F11: variants seen among roughly 807,000 people sequenced by gnomAD.
The protein encoded by F11 is coagulation factor XI, also known as coagualtion factor XI.
In F11, 78 loss-of-function variants were observed where a neutral mutation model predicts 76.5. The ratio of observed to expected loss-of-function variants is 1.02; its 90% CI spans 0.85 to 1.23. The LOEUF (loss-of-function observed/expected upper bound fraction) is 1.23, where lower values mean the gene tolerates loss of function less well. Ranked by LOEUF, F11 falls within the 50% of genes most tolerant of loss-of-function variation. F11 has a pLI of 0.00. For missense variants in F11, 742 were observed against 771.4 expected (o/e 0.96, Z 0.45); for synonymous variants, 278 against 276.3 (o/e 1.01, Z -0.06).
In F11 at chr4:186,280,474, G is replaced by A. The variant is rs1438521271; in HGVS notation, c.1029G>A (p.Lys343=). Residue 343 remains lysine (K), a splice_region_variant and synonymous_variant, in exon 10 of 15, where the codon AAG becomes AAA. Transcript: ENST00000403665. Reference sequence around the variant, plus strand: ...TATACCGTTTTGTTTCCAACTGCAGGGGCAAGTGTTACTTAAAGCTTTCTT... The same window carrying A: ...TATACCGTTTTGTTTCCAACTGCAGAGGCAAGTGTTACTTAAAGCTTTCTT... The part of the protein sequence containing the change: ...TPAQASCNEG[K]GKCYLKLSSN... 2 of 1,614,004 alleles carry A rather than the reference G, an allele frequency of 1.2e-6. No homozygotes were observed. The highest frequency in any genetic ancestry group is 1.1e-5 in the South Asian group (1 of 91,082).
intron 6 of F11, 133 bp from the exon 7 acceptor site, chr4:186,276,098 T>C: frequency 1.8e-6 from 2 of 1,127,706 alleles, no homozygotes; most frequent in Non-Finnish European, 2.6e-6. Context: ...TGCCATTTTC[T>C]TCTAAATAAA....
rs766461389 is a variant in F11, at chr4:186,287,832, G to C, written c.1716+9G>C. ...GGAAGGACGCTTGCAAGGTAACAGA[G>C]TGTTCTTAGCCAATGGAATATATGC... On this transcript the variant is annotated intron_variant, in intron 14 of 14. Coordinates refer to ENST00000403665, the MANE Select transcript of F11 (RefSeq NM_000128.4). The C allele has an allele frequency of 2.5e-6, 4 of 1,611,190 alleles. No individual in the cohort carries two copies. The highest frequency in any genetic ancestry group is 3.4e-6 in the Non-Finnish European group (4 of 1,178,216).
intron 5 of F11, 76 bp downstream of exon 5, chr4:186,274,351 C>G: frequency 6.3e-7 from 1 of 1,579,702 alleles, no homozygotes; most frequent in Non-Finnish European, 8.7e-7. Flanking sequence ...TTGCCATCAA[C>G]TTTATGCCAG....
rs866457660 is a variant in F11, at chr4:186,284,217, A to G, written c.1261A>G (p.Ile421Val). Residue 421 changes from isoleucine to valine, a missense_variant, in exon 11 of 15, where the codon ATT becomes GTT. By Grantham distance (29) the Ile-to-Val change is conservative. Transcript: ENST00000403665. ...TQRHLCGGSI[I>V]GNQWILTAAH... ...GAGACACCTGTGTGGAGGCTCCATC[A>G]TTGGAAACCAGTGGATATTAACAGC... 6.2e-7 allele frequency: 1 copy of G among 1,614,242 alleles called. No homozygotes were observed. Among genetic ancestry groups the G allele is most frequent in the Middle Eastern group, 1.6e-4 (1 of 6,062 alleles).
chr4:186,275,735 T>C, intron 5 of F11, 52 bp from the exon 6 acceptor site: 1 of 1,342,152 alleles, frequency 7.5e-7, no homozygotes. Context: ...TCATGTTTTT[T>C]CCTCCTTGCA....
At chr4:186,279,008 C>T (rs1334335792) in intron 7 of F11, among the ~76,000 whole-genome samples, 2 of 152,186 alleles carry the variant, frequency 1.3e-5, no homozygotes, top group African/African-American at 4.8e-5. Flanking sequence ...AGGAATAACA[C>T]ATTTGATCTT....
At chr4:186,286,663 A>G (rs1019117494) in intron 13 of F11, 153 bp downstream of exon 13, 1 of 985,360 alleles carries the variant, frequency 1.0e-6, no homozygotes, top group Non-Finnish European at 1.2e-6. Flanking sequence ...AAATCACCCA[A>G]GTGAGGCTGG....
At chr4:186,285,883 T>A in intron 12 of F11, 70 bp downstream of exon 12, 4 of 1,524,210 alleles carry the variant, frequency 2.6e-6, no homozygotes, top group Non-Finnish European at 3.6e-6. Flanking sequence ...ACTACTAGAC[T>A]TACGGCCTGA....
At chr4:186,270,234 G>T (rs140415047) in intron 2 of F11, among the ~76,000 whole-genome samples, 1 of 152,152 alleles carries the variant, frequency 6.6e-6, no homozygotes, top group African/African-American at 2.4e-5. Flanking sequence ...GCACTTGCTC[G>T]TTCGCAAAAG....
chr4:186,284,096 T>C lies in F11; in HGVS notation c.1140T>C (p.Cys380=), dbSNP rs376661424. The C allele has an allele frequency of 2.5e-6, 4 of 1,614,100 alleles. No homozygotes were observed. In the African/African-American group the frequency reaches 4.0e-5, roughly 16 times the overall value. ...ATCACAATGCTTCTGTTGCAGAGTG[T>C]ACCACCAAAATCAAGCCCAGGATCG... is the stretch of plus-strand genomic sequence containing the variant. ...TLRLCKMDNE[C]TTKIKPRIVG... The change falls in exon 11 of 15, where the codon TGT becomes TGC. Residue 380 remains cysteine (C), a synonymous_variant. Coordinates refer to ENST00000403665, the MANE Select transcript of F11 (RefSeq NM_000128.4).
chr4:186,289,023 G>T lies in F11; in HGVS notation c.*409G>T. 1 of 207,576 alleles carries T rather than the reference G, an allele frequency of 4.8e-6. No individual in the cohort carries two copies. The highest frequency in any genetic ancestry group is 9.8e-6 in the Non-Finnish European group (1 of 101,846). The allele number at this position is 207,576 out of a possible 1,614,324, so 12.9% of individuals were successfully genotyped here. A position where few individuals can be genotyped will look rare whatever the true frequency, so the allele number is the denominator to read the frequency against. On this transcript the variant is annotated 3_prime_UTR_variant, in exon 15 of 15. Transcript: ENST00000403665. ...GAAAACTGGAAGAAAGGAGAACAAA[G>T]ACAGTCTTCACCATTTTGCAGGAAT...
chr4:186,287,710 G>C lies in F11; in HGVS notation c.1603G>C (p.Ala535Pro). The C allele has an allele frequency of 6.2e-7, 1 of 1,612,998 alleles. No homozygotes were observed. The highest frequency in any genetic ancestry group is 1.7e-4 in the Middle Eastern group (1 of 6,060). ...CAAAATACAAAATACTCTCCAGAAA[G>C]CCAAGATACCCTTAGTGACCAACGA... ...RDKIQNTLQK[A>P]KIPLVTNEEC... Residue 535 changes from alanine (A) to proline (P), a missense_variant, in exon 14 of 15, where the codon GCC becomes CCC. Ala to Pro is a conservative substitution (Grantham distance 27). Transcript: ENST00000403665.
intron 10 of F11, chr4:186,282,255 T>C (rs1434493990): frequency 2.0e-6 from 2 of 985,210 alleles, no homozygotes; most frequent in African/African-American, 3.5e-5. Flanking sequence ...CTCTGGCCTG[T>C]AGAAGTTACA....
chr4:186,276,848 C>G (rs1332504193), intron 7 of F11, among the ~76,000 whole-genome samples: 1 of 152,072 alleles, frequency 6.6e-6, no homozygotes, highest in Non-Finnish European at 1.5e-5. Flanking sequence ...CTCGGCCTCC[C>G]AAAGTGCTGA....
chr4:186,288,346 A>G, intron 14 of F11, 107 bp from the exon 15 acceptor site: 2 of 1,402,206 alleles, frequency 1.4e-6, no homozygotes, highest in Non-Finnish European at 2.0e-6. Flanking sequence ...CAGTATATTA[A>G]GGGGCCAAGA....
intron 7 of F11, among the ~76,000 whole-genome samples, chr4:186,278,983 A>T (rs1251227195): frequency 6.6e-6 from 1 of 152,218 alleles, no homozygotes; most frequent in African/African-American, 2.4e-5. Flanking sequence ...TACCTTACTG[A>T]CCAATTCCTA....
chr4:186,275,949 TA>T, intron 6 of F11, 53 bp downstream of exon 6: 2 of 1,379,642 alleles, frequency 1.4e-6, no homozygotes, highest in African/African-American at 1.4e-5. Context: ...TGCTGATGAT[TA>T]CAGTAGATCT....
intron 13 of F11, chr4:186,286,732 A>G: frequency 1.5e-5 from 15 of 982,084 alleles, no homozygotes; most frequent in Non-Finnish European, 1.8e-5. Context: ...AAGACTAATT[A>G]TATTTAATGA....
At chr4:186,270,862 A>ATTTTTTT (rs34930947) in intron 2 of F11, among the ~76,000 whole-genome samples, 3 of 138,306 alleles carry the variant, frequency 2.2e-5, no homozygotes, top group Non-Finnish European at 1.5e-5. Flanking sequence ...CCCAGCTAGT[A>ATTTTTTT]TTTTTTTTTT....
Sources: gnomAD v4.1 joint callset for allele counts (sites outside exome capture counted in the v4.1 genomes callset) on GRCh38, gnomAD v4.1.1 for gene constraint, MANE v1.5 for transcripts, NCBI Gene and HGNC (gene_info 2026-07-23, HGNC 2026-07-21) for gene names.